The following THSD4 variants were observed in gnomAD, a reference collection of about 807,000 sequenced individuals.
THSD4 encodes the protein thrombospondin type 1 domain containing 4.
In THSD4, 69 loss-of-function variants were observed where a neutral mutation model predicts 119.0. The ratio of observed to expected loss-of-function variants is 0.58; its 90% CI spans 0.48 to 0.71. THSD4 has a LOEUF of 0.71. Among genes scored for constraint, THSD4 ranks in the 30% least tolerant of loss-of-function variants. THSD4 has a pLI of 0.00. For missense variants in THSD4, 1,393 were observed against 1,391.1 expected (o/e 1.00, Z -0.02); for synonymous variants, 524 against 540.4 (o/e 0.97, Z 0.42).
rs563136521 is a variant in THSD4, at chr15:71,759,787, A to G, written c.2589+1712A>G. 3.9e-5 allele frequency among the ~76,000 whole-genome samples: 6 copies of G among 152,240 alleles called. No homozygotes were observed. In the South Asian group the frequency reaches 6.2e-4, roughly 16 times the overall value. ...GGGCCTTTTTTGCTTGTGGCTTCCT[A>G]TTGACTTTAGACCTAAGCTTAAAGA... On this transcript the variant is annotated intron_variant, in intron 15 of 17. Transcript: ENST00000261862.
chr15:71,354,369 G>C, intron 6 of THSD4, among the ~76,000 whole-genome samples: 1 of 152,210 alleles, frequency 6.6e-6, no homozygotes, highest in East Asian at 1.9e-4. Flanking sequence ...GAAGGGAAAA[G>C]TGTCCAGAAG....
chr15:71,488,186 T>C (rs1030535892), intron 7 of THSD4, among the ~76,000 whole-genome samples: 2 of 152,218 alleles, frequency 1.3e-5, no homozygotes, highest in African/African-American at 2.4e-5. Context: ...TATATTTGAA[T>C]ATTTCTAACA....
chr15:71,357,350 G>A (rs959974666), intron 6 of THSD4, among the ~76,000 whole-genome samples: 3 of 152,196 alleles, frequency 2.0e-5, no homozygotes, highest in African/African-American at 4.8e-5. Flanking sequence ...TGCTGAGAGG[G>A]CTGGGCTGGG....
chr15:71,710,945 G>T, intron 8 of THSD4, among the ~76,000 whole-genome samples: 1 of 151,938 alleles, frequency 6.6e-6, no homozygotes, highest in East Asian at 1.9e-4. Context: ...AACTTAGTTT[G>T]CTTGCCTCTT....
At chr15:71,165,321 T>A (rs1211132145) in intron 3 of THSD4, 2 of 1,578,484 alleles carry the variant, frequency 1.3e-6, no homozygotes, top group African/African-American at 2.7e-5. Context: ...GACTGAAGCA[T>A]CTGGGTGCTT....
At chr15:71,756,516 C>T (rs991703861) in intron 14 of THSD4, among the ~76,000 whole-genome samples, 1 of 152,162 alleles carries the variant, frequency 6.6e-6, no homozygotes, top group African/African-American at 2.4e-5. Flanking sequence ...GGTGTGGTGG[C>T]ACACACCTGT....
At chr15:71,097,290 C>A (rs895272767) in intron 1 of THSD4, among the ~76,000 whole-genome samples, 1 of 152,090 alleles carries the variant, frequency 6.6e-6, no homozygotes, top group Non-Finnish European at 1.5e-5. Flanking sequence ...AAAGGCTGGG[C>A]ACGGTGGTTG....
intron 6 of THSD4, among the ~76,000 whole-genome samples, chr15:71,314,163 G>C (rs528418135): frequency 4.6e-5 from 7 of 152,126 alleles, no homozygotes; most frequent in Non-Finnish European, 1.5e-5. Flanking sequence ...AGGTTTAATA[G>C]TTACAGTTTA....
intron 6 of THSD4, among the ~76,000 whole-genome samples, chr15:71,357,514 C>T (rs1183657825): frequency 1.3e-5 from 2 of 152,176 alleles, no homozygotes; most frequent in Non-Finnish European, 2.9e-5. Flanking sequence ...GCCATGGGTG[C>T]GGCTGCCAGG....
At chr15:71,737,173 G>A (rs1187113303) in intron 10 of THSD4, among the ~76,000 whole-genome samples, 1 of 152,174 alleles carries the variant, frequency 6.6e-6, no homozygotes, top group Non-Finnish European at 1.5e-5. Context: ...TCAGATTTAT[G>A]TACAAGAAAA....
In THSD4 at chr15:71,115,748, C is replaced by T. The variant is rs1393293988; in HGVS notation, c.-80+50C>T. 6.7e-6 allele frequency: 1 copy of T among 148,482 alleles called. No individual in the cohort carries two copies. Among genetic ancestry groups the T allele is most frequent in the African/African-American group, 2.4e-5 (1 of 41,062 alleles). 9.2% of individuals were successfully genotyped at this position (148,482 alleles called of 1,614,324 possible). On this transcript the variant is annotated intron_variant, in intron 1 of 17. Transcript: ENST00000261862. This position sits in a 1 kb window ranked among gnomAD's most constrained non-coding sequence, Gnocchi z 4.4. ...TCCCCTGCGCGCCGCCCGCGCGGCC[C>T]CGACCCGGCTTCCGCTGCCCAGGCT...
chr15:71,682,397 A>G (rs1375037416), intron 8 of THSD4, among the ~76,000 whole-genome samples: 1 of 152,236 alleles, frequency 6.6e-6, no homozygotes, highest in African/African-American at 2.4e-5. Flanking sequence ...CAGATGAAGA[A>G]ATAGAACTTG....
In THSD4 at chr15:71,775,208, T is replaced by C. The variant is rs2053892203; in HGVS notation, c.2915-2024T>C. The stretch of plus-strand genomic sequence containing the variant: ...TAGAAGGAAATGACTTATTTAATTA[T>C]GTTCCAGCACATAGGACAAAATACA... On this transcript the variant is annotated intron_variant, in intron 17 of 17. Coordinates refer to ENST00000261862, the MANE Select transcript of THSD4 (RefSeq NM_024817.3). Among the ~76,000 whole-genome samples, 3 of 152,268 alleles carry C rather than the reference T, an allele frequency of 2.0e-5. No homozygotes were observed. In the South Asian group the frequency reaches 6.2e-4, roughly 32 times the overall value.
At chr15:71,608,237 A>AAAACAC (rs537013275) in intron 7 of THSD4, among the ~76,000 whole-genome samples, 1 of 111,624 alleles carries the variant, frequency 9.0e-6, no homozygotes, top group Non-Finnish European at 1.7e-5. Flanking sequence ...AAAAAAAAAA[A>AAAACAC]ATATATATAT....
intron 7 of THSD4, among the ~76,000 whole-genome samples, chr15:71,505,824 T>G (rs369831424): frequency 3.9e-5 from 6 of 152,348 alleles, no homozygotes; most frequent in African/African-American, 1.4e-4. Flanking sequence ...CAGCTTAGGC[T>G]TAATGAAGTC....
At chr15:71,731,621 A>C (rs1056430576) in intron 10 of THSD4, 5 of 187,684 alleles carry the variant, frequency 2.7e-5, no homozygotes, top group Admixed American at 5.3e-5. Flanking sequence ...CTCTACAAAA[A>C]AAATTACAGA....
chr15:71,265,988 C>T (rs1202720233), intron 6 of THSD4, among the ~76,000 whole-genome samples: 1 of 152,234 alleles, frequency 6.6e-6, no homozygotes, highest in African/African-American at 2.4e-5. Context: ...TCCCCATCTC[C>T]CTGGGACAGA....
rs377664090 is a variant in THSD4, at chr15:71,589,244, T to C, written c.1153-71286T>C. On this transcript the variant is annotated intron_variant, in intron 7 of 17. Coordinates refer to ENST00000261862, the MANE Select transcript of THSD4 (RefSeq NM_024817.3). Reference sequence around the variant, plus strand: ...CTTGAATATATTAAAGGACATAGGATATAAGAGTAATAAGTCCTATTTCAT... The same window carrying C: ...CTTGAATATATTAAAGGACATAGGACATAAGAGTAATAAGTCCTATTTCAT... Among the ~76,000 whole-genome samples the C allele has an allele frequency of 1.9e-4, 17 of 88,624 alleles. 2 individuals are homozygous for C. In the East Asian group the frequency reaches 4.6e-3, roughly 24 times the overall value. The allele number at this position is 88,624 out of a possible 152,430, so 58.1% of individuals were successfully genotyped here. A position where few individuals can be genotyped will look rare whatever the true frequency, so the allele number is the denominator to read the frequency against.
chr15:71,367,447 C>T (rs559900918), intron 6 of THSD4, among the ~76,000 whole-genome samples: 9 of 152,288 alleles, frequency 5.9e-5, no homozygotes, highest in Non-Finnish European at 4.4e-5. Context: ...CCCCACCCCA[C>T]GACAGGCCCC....
Sources: allele counts gnomAD v4.1 joint callset (sites outside exome capture counted in the v4.1 genomes callset), GRCh38; gene constraint gnomAD v4.1.1; non-coding constraint Gnocchi (gnomAD v3.1); transcripts MANE v1.5; gene names NCBI Gene and HGNC (gene_info 2026-07-23, HGNC 2026-07-21).